The following A2ML1 variants were observed in gnomAD, a reference collection of about 807,000 sequenced individuals.
A2ML1 encodes alpha-2-macroglobulin-like protein 1.
A2ML1 carries 161 observed loss-of-function variants against 181.9 expected under a neutral mutation model. The ratio of observed to expected loss-of-function variants is 0.89; its 90% CI spans 0.78 to 1.01. The LOEUF (loss-of-function observed/expected upper bound fraction) is 1.01. Ranked by LOEUF, A2ML1 falls within the 50% of genes least tolerant of loss-of-function variation. The pLI is 0.00. For missense variants in A2ML1, 1,670 were observed against 1,768.1 expected (o/e 0.94, Z 1.00); for synonymous variants, 663 against 666.8 (o/e 0.99, Z 0.09).
chr12:8,845,468 G>A lies in A2ML1; in HGVS notation c.1503G>A (p.Met501Ile). The A allele has an allele frequency of 1.2e-6, 2 of 1,614,150 alleles. No homozygotes were observed. The highest frequency in any genetic ancestry group is 3.3e-5 in the Admixed American group (2 of 60,016). The change falls in exon 13 of 36, where the codon ATG becomes ATA. Residue 501 changes from methionine (M) to isoleucine (I), a missense_variant. Physicochemically the swap from Met to Ile is conservative, Grantham distance 10. Transcript: ENST00000299698. ...YYLIGKGSLV[M>I]EGQKHLNSKK... The stretch of plus-strand genomic sequence containing the variant: ...TAATAGGGAAAGGAAGTTTGGTGAT[G>A]GAGGGGCAGAAACACCTGAACTCTA...
At position 8,868,644 on chromosome 12, in the gene A2ML1, T is replaced by C. The variant is rs1313372635; in HGVS notation, c.4152+17T>C. ...AATCAGTTAGTAAGTTACTTCTGTT[T>C]TCTTCATTTATCTAGCTGTGAGGGG... On this transcript the variant is annotated intron_variant, in intron 32 of 35. Transcript: ENST00000299698. The C allele has an allele frequency of 3.1e-6, 5 of 1,609,602 alleles. No homozygotes were observed. Among genetic ancestry groups the C allele is most frequent in the Non-Finnish European group, 4.2e-6 (5 of 1,178,104 alleles).
chr12:8,822,831 T>G (rs1056734475), intron 1 of A2ML1, 118 bp downstream of exon 1: 3 of 933,466 alleles, frequency 3.2e-6, no homozygotes, highest in East Asian at 5.0e-5. Flanking sequence ...TCCTCCTCCT[T>G]TTTTCTCTTC....
intron 3 of A2ML1, among the ~76,000 whole-genome samples, chr12:8,825,436 A>G (rs183597023): frequency 1.3e-5 from 2 of 152,106 alleles, no homozygotes; most frequent in Non-Finnish European, 1.5e-5. Context: ...CCGTTCTTTA[A>G]TCTGATTACT....
At chr12:8,879,727 TA>T (rs1409289814), downstream of A2ML1, among the ~76,000 whole-genome samples, 3 of 152,218 alleles carry the variant, frequency 2.0e-5, no homozygotes, top group Non-Finnish European at 4.4e-5. Context: ...AGAATATTCT[TA>T]TGCTTAAATT....
Position 8,851,856 on chromosome 12 carries a change from C to A in A2ML1, c.2307C>A (p.Cys769Ter). ...AITEWKAMSF[C>*]TSQSRGFGLS... ...CCGAGTGGAAGGCGATGAGTTTCTG[C>A]ACTTCCCAGTCAAGAGGCTTCGGGC... The change falls in exon 19 of 36, where the codon TGC becomes TGA. Residue 769 changes from cysteine (C) to a stop codon, truncating the protein, a stop_gained. Coordinates refer to ENST00000299698, the MANE Select transcript of A2ML1 (RefSeq NM_144670.6). LOFTEE classifies it high-confidence loss of function. 1 of 1,614,236 alleles carries A rather than the reference C, an allele frequency of 6.2e-7. No homozygotes were observed. Among genetic ancestry groups the A allele is most frequent in the East Asian group, 2.2e-5 (1 of 44,890 alleles).
Position 8,822,677 on chromosome 12 carries a change from T to G in A2ML1, c.26T>G (p.Met9Arg). Residue 9 changes from methionine to arginine, a missense_variant, in exon 1 of 36, where the codon ATG becomes AGG. Transcript: ENST00000299698. ...ATGTGGGCTCAGCTCCTTCTAGGAA[T>G]GTTGGCCCTATCACCAGCCATTGCA... is the stretch of plus-strand genomic sequence containing the variant. Reference protein sequence around the residue: MWAQLLLGMLALSPAIAEE... With the variant: MWAQLLLGRLALSPAIAEE... 7.4e-6 allele frequency: 12 copies of G among 1,614,202 alleles called. No individual in the cohort carries two copies. The highest frequency in any genetic ancestry group is 1.0e-5 in the Non-Finnish European group (12 of 1,180,000).
rs759408292 is a variant in A2ML1, at chr12:8,822,621, G to A, written c.-31G>A. 11 of 1,609,606 alleles carry A rather than the reference G, an allele frequency of 6.8e-6. No homozygotes were observed. The highest frequency in any genetic ancestry group is 1.7e-5 in the Admixed American group (1 of 59,942). ...GCTACGCGGAGCGATCTCTGCCCCT[G>A]ACCCTGGAAAAATCTGTCTCACCCA... On this transcript the variant is annotated 5_prime_UTR_variant, in exon 1 of 36. Transcript: ENST00000299698.
In A2ML1 at chr12:8,846,119, G is replaced by T. The variant is rs780491454; in HGVS notation, c.1580G>T (p.Arg527Ile). Residue 527 changes from arginine to isoleucine, a missense_variant, in exon 14 of 36, where the codon AGA becomes ATA. Arg to Ile is a moderately conservative substitution (Grantham distance 97). Transcript: ENST00000299698. The part of the protein sequence containing the change: ...SFSLSLTFTS[R>I]LAPDPSLVIY... ...TCTCTCTCACTGACCTTCACTTCGA[G>T]ACTGGCCCCTGATCCTTCCCTGGTG... 6.2e-7 allele frequency: 1 copy of T among 1,614,172 alleles called. No homozygotes were observed. Among genetic ancestry groups the T allele is most frequent in the South Asian group, 1.1e-5 (1 of 91,086 alleles).
chr12:8,829,677 T>A, intron 3 of A2ML1, 50 bp from the exon 4 acceptor site: 7 of 1,380,680 alleles, frequency 5.1e-6, no homozygotes, highest in South Asian at 1.3e-5. Flanking sequence ...AAAAAAAAAA[T>A]TCTGAGCCAG....
At chr12:8,841,620 C>T in intron 11 of A2ML1, 84 bp downstream of exon 11, 1 of 1,374,454 alleles carries the variant, frequency 7.3e-7, no homozygotes, top group Middle Eastern at 2.1e-4. Context: ...TCCTATTCTC[C>T]CCTCTGCTTG....
Position 8,857,187 on chromosome 12 carries a change from C to T in A2ML1, c.2872C>T (p.Gln958Ter). 1 of 1,612,548 alleles carries T rather than the reference C, an allele frequency of 6.2e-7. No individual in the cohort carries two copies. The change falls in exon 24 of 36, where the codon CAG (glutamine) becomes TAG (stop). Residue 958 changes from glutamine to a stop codon, truncating the protein, a stop_gained. Transcript: ENST00000299698. LOFTEE classifies it high-confidence loss of function. ...VLGDIMGTAL[Q>*]NLDGLVQMPS... ...AGGAGACATTATGGGCACAGCCCTGCAGAACCTGGATGGTCTGGTGCAGAT... is the reference window on the plus strand; with the variant it reads ...AGGAGACATTATGGGCACAGCCCTGTAGAACCTGGATGGTCTGGTGCAGAT...
At chr12:8,873,963 A>C (rs888005689) in intron 33 of A2ML1, among the ~76,000 whole-genome samples, 2 of 152,112 alleles carry the variant, frequency 1.3e-5, no homozygotes, top group African/African-American at 2.4e-5. Context: ...TAAGACTCAT[A>C]GGGCAGTAGC....
intron 35 of A2ML1, chr12:8,875,640 T>C (rs1226888473): frequency 6.6e-6 from 1 of 152,130 alleles, no homozygotes; most frequent in Admixed American, 6.6e-5. Flanking sequence ...GGTTTCGCCA[T>C]GTTGGTCAGG....
At chr12:8,879,108 G>A (rs976747725), downstream of A2ML1, among the ~76,000 whole-genome samples, 1 of 152,148 alleles carries the variant, frequency 6.6e-6, no homozygotes, top group Admixed American at 6.6e-5. Flanking sequence ...TTCCTATAGT[G>A]AGGGCAGATG....
chr12:8,849,860 C>T (rs933753014), intron 17 of A2ML1, 101 bp downstream of exon 17: 24 of 1,080,918 alleles, frequency 2.2e-5, no homozygotes, highest in Admixed American at 6.2e-5. Flanking sequence ...GCCTCTAGCC[C>T]GAGAATGCTA....
At chr12:8,862,055 T>A (rs1382601839) in intron 28 of A2ML1, among the ~76,000 whole-genome samples, 1 of 152,066 alleles carries the variant, frequency 6.6e-6, no homozygotes, top group Non-Finnish European at 1.5e-5. Context: ...CCACCATGCC[T>A]GGCCACATTT....
chr12:8,838,995 G>A, intron 9 of A2ML1, 118 bp from the exon 10 acceptor site: 5 of 610,190 alleles, frequency 8.2e-6, no homozygotes, highest in Non-Finnish European at 1.4e-5. Context: ...TTGGATCTTT[G>A]GCCAGAAATA....
intron 22 of A2ML1, 144 bp downstream of exon 22, chr12:8,854,975 A>T: frequency 8.7e-6 from 7 of 806,878 alleles, no homozygotes; most frequent in South Asian, 3.5e-5. Flanking sequence ...GCTCATTGCA[A>T]CCTCTGCCTC....
At chr12:8,839,291 C>A in intron 10 of A2ML1, 69 bp downstream of exon 10, 1 of 1,092,866 alleles carries the variant, frequency 9.2e-7, no homozygotes, top group Non-Finnish European at 1.4e-6. Flanking sequence ...CTTCCTGCAG[C>A]CATAGCCACA....
Sources: gnomAD v4.1 joint callset for allele counts (sites outside exome capture counted in the v4.1 genomes callset) on GRCh38, gnomAD v4.1.1 for gene constraint, MANE v1.5 for transcripts, NCBI Gene and HGNC (gene_info 2026-07-23, HGNC 2026-07-21) for gene names.